L3MBTL4: variants seen among roughly 807,000 people sequenced by gnomAD.
L3MBTL4 encodes the protein lethal(3)malignant brain tumor-like protein 4.
Under a neutral mutation model 84.5 loss-of-function variants are expected in L3MBTL4, and 70 were observed. The ratio of observed to expected loss-of-function variants is 0.83; its 90% CI spans 0.68 to 1.01. L3MBTL4 has a LOEUF of 1.01. Among genes scored for constraint, L3MBTL4 ranks in the 50% least tolerant of loss-of-function variants. L3MBTL4 has a pLI of 0.00. For synonymous variants in L3MBTL4, 274 were observed against 259.8 expected (o/e 1.05, Z -0.52); for missense variants, 715 against 754.8 (o/e 0.95, Z 0.62).
At chr18:5,969,242 TA>T in intron 17 of L3MBTL4, 150 bp downstream of exon 17, 1 of 807,718 alleles carries the variant, frequency 1.2e-6, no homozygotes, top group Non-Finnish European at 1.9e-6. Context: ...CTTCTCCCTC[TA>T]ATTTAGGTTT....
At chr18:6,031,186 G>A (rs889633550) in intron 16 of L3MBTL4, 1 of 985,322 alleles carries the variant, frequency 1.0e-6, no homozygotes, top group African/African-American at 1.7e-5. Context: ...TCCCCCGTGG[G>A]AGTAGAATGA....
chr18:6,396,722 T>C (rs982158778), intron 1 of L3MBTL4: 2 of 152,220 alleles, frequency 1.3e-5, no homozygotes, highest in Non-Finnish European at 2.9e-5. Context: ...TGGGGCAATA[T>C]TGCCATCCAT....
chr18:6,015,582 T>C (rs982861656), intron 16 of L3MBTL4, among the ~76,000 whole-genome samples: 9 of 152,128 alleles, frequency 5.9e-5, no homozygotes, highest in African/African-American at 2.2e-4. Flanking sequence ...CAAATATTTG[T>C]TGAGCCAGTA....
intron 16 of L3MBTL4, among the ~76,000 whole-genome samples, chr18:6,024,172 C>T (rs998811039): frequency 1.6e-4 from 25 of 152,280 alleles, no homozygotes; most frequent in Admixed American, 5.2e-4. Flanking sequence ...CCACCACGTC[C>T]GGCCTTATTA....
chr18:6,346,103 A>AATATAT (rs34294575), intron 1 of L3MBTL4, among the ~76,000 whole-genome samples: 2,434 of 129,702 alleles, frequency 0.019, 27 homozygotes, highest in South Asian at 0.036. Flanking sequence ...ATGATGTTGG[A>AATATAT]ATATATATAT....
chr18:6,262,825 C>T (rs1325767369), intron 5 of L3MBTL4, among the ~76,000 whole-genome samples: 1 of 152,098 alleles, frequency 6.6e-6, no homozygotes, highest in Non-Finnish European at 1.5e-5. Flanking sequence ...TTTGGTTTCC[C>T]TTTCTTTTCT....
intron 4 of L3MBTL4, among the ~76,000 whole-genome samples, chr18:6,294,684 C>T (rs11663096): frequency 0.082 from 12,496 of 151,900 alleles, 683 homozygotes; most frequent in Non-Finnish European, 0.13. Flanking sequence ...CTAAGTGCTG[C>T]TCTGTGACAT....
chr18:6,335,730 A>C (rs182658077), intron 1 of L3MBTL4, among the ~76,000 whole-genome samples: 1 of 152,220 alleles, frequency 6.6e-6, no homozygotes, highest in East Asian at 1.9e-4. Context: ...ACAAGATCTG[A>C]TGGTTTTATA....
chr18:6,093,497 A>G lies in L3MBTL4; in HGVS notation c.1231T>C (p.Leu411=). The G allele has an allele frequency of 6.2e-7, 1 of 1,613,740 alleles. No individual in the cohort carries two copies. ...AFGCPYSDMN[L]KKEATLHDRL... ...TCGTGAAGTGTTGCCTCCTTTTTCA[A>G]GTTCATGTCTGAATACGGGCAGCCA... The change falls in exon 15 of 19, where the codon TTG becomes CTG. Residue 411 remains leucine (L), a synonymous_variant. Transcript: ENST00000317931.
At position 6,093,436 on chromosome 18, in the gene L3MBTL4, G is replaced by C; in HGVS notation, c.1292C>G (p.Ser431Ter). 6.2e-7 allele frequency: 1 copy of C among 1,614,004 alleles called. No homozygotes were observed. The highest frequency in any genetic ancestry group is 8.5e-7 in the Non-Finnish European group (1 of 1,179,922). The change falls in exon 15 of 19, where the codon TCA becomes TGA. Residue 431 changes from serine (S) to a stop codon, truncating the protein, a stop_gained. Transcript: ENST00000317931. LOFTEE classifies it high-confidence loss of function. ...LREQTQANLE[S>*]DSSHSKSKSL... ...TTTTGATTTTGAATGTGAAGAGTCT[G>C]ATTCCAAATTTGCCTGTGTTTGTTC... is the stretch of plus-strand genomic sequence containing the variant.
At chr18:6,359,920 T>G (rs968599022) in intron 1 of L3MBTL4, among the ~76,000 whole-genome samples, 12 of 152,136 alleles carry the variant, frequency 7.9e-5, no homozygotes, top group Admixed American at 6.5e-5. Context: ...GTCTTCCCTT[T>G]TTTCCTCCCT....
chr18:6,019,793 C>G (rs2145484305), intron 16 of L3MBTL4, among the ~76,000 whole-genome samples: 1 of 152,350 alleles, frequency 6.6e-6, no homozygotes, highest in South Asian at 2.1e-4. Flanking sequence ...AAGATCAACT[C>G]ATGTCTTCCA....
chr18:6,352,778 G>GA (rs1044538299), intron 1 of L3MBTL4, among the ~76,000 whole-genome samples: 10 of 149,420 alleles, frequency 6.7e-5, no homozygotes, highest in African/African-American at 1.7e-4. Flanking sequence ...GAACCTTAAA[G>GA]AAAAAAAAAG....
At chr18:6,129,773 T>C (rs919172627) in intron 14 of L3MBTL4, among the ~76,000 whole-genome samples, 2 of 152,212 alleles carry the variant, frequency 1.3e-5, no homozygotes, top group African/African-American at 2.4e-5. Flanking sequence ...AGGTCTGATG[T>C]TTTGTTTTGA....
intron 12 of L3MBTL4, among the ~76,000 whole-genome samples, chr18:6,173,404 G>A (rs76544890): frequency 6.6e-6 from 1 of 152,154 alleles, no homozygotes; most frequent in African/African-American, 2.4e-5. Context: ...TGCAGTCAGA[G>A]AGACAGAGAT....
rs143306578 is a variant in L3MBTL4 at position 6,412,724 on chromosome 18, G to A, written c.-91+2077C>T. On this transcript the variant is annotated intron_variant, in intron 1 of 18. Transcript: ENST00000317931. ...ATTTGTTGAGCATGCACTTACCCAC[G>A]TGCCAAGTCCCATGCCAAGCAAAGG... Among the ~76,000 whole-genome samples the A allele has an allele frequency of 3.9e-3, 597 of 152,112 alleles. 8 individuals are homozygous for A. Among genetic ancestry groups the A allele is most frequent in the Non-Finnish European group, 3.4e-3 (231 of 68,024 alleles).
At chr18:5,992,207 G>A (rs2053732350) in intron 16 of L3MBTL4, among the ~76,000 whole-genome samples, 1 of 152,196 alleles carries the variant, frequency 6.6e-6, no homozygotes, top group Admixed American at 6.5e-5. Context: ...AGGGCATGAT[G>A]AGGAGCCCCG....
intron 13 of L3MBTL4, among the ~76,000 whole-genome samples, chr18:6,170,363 G>C (rs2043907877): frequency 1.3e-5 from 2 of 152,154 alleles, no homozygotes; most frequent in Non-Finnish European, 2.9e-5. Flanking sequence ...GGGGGTCAAA[G>C]CATTGGGGGT....
chr18:6,200,627 T>G (rs2145647985), intron 12 of L3MBTL4, among the ~76,000 whole-genome samples: 1 of 152,342 alleles, frequency 6.6e-6, no homozygotes, highest in Non-Finnish European at 1.5e-5. Flanking sequence ...TAATGGGCTA[T>G]GCTTCTTTGA....
Sources: gnomAD v4.1 joint callset for allele counts (sites outside exome capture counted in the v4.1 genomes callset) on GRCh38, gnomAD v4.1.1 for gene constraint, MANE v1.5 for transcripts, NCBI Gene and HGNC (gene_info 2026-07-23, HGNC 2026-07-21) for gene names.